Variants in HVCN1 observed in about 807,000 individuals in gnomAD.
The protein encoded by HVCN1 is voltage-gated hydrogen channel 1.
Under a neutral mutation model 29.2 loss-of-function variants are expected in HVCN1, and 14 were observed. The observed-to-expected ratio is 0.48, with a 90% confidence interval of 0.32 to 0.75. The LOEUF is 0.75. Ranked by LOEUF, HVCN1 falls within the 30% of genes least tolerant of loss-of-function variation. HVCN1 has a pLI of 0.04. For synonymous variants in HVCN1, 131 were observed against 133.2 expected (o/e 0.98, Z 0.11); for missense variants, 263 against 341.8 (o/e 0.77, Z 1.82).
intron 2 of HVCN1, among the ~76,000 whole-genome samples, chr12:110,697,841 G>T (rs1245115475): frequency 6.6e-6 from 1 of 151,944 alleles, no homozygotes; most frequent in Non-Finnish European, 1.5e-5. Context: ...TAGTAGAGAT[G>T]GGGTTTCACC....
At chr12:110,679,494 G>A (rs1277366662) in intron 3 of HVCN1, among the ~76,000 whole-genome samples, 2 of 152,188 alleles carry the variant, frequency 1.3e-5, no homozygotes, top group African/African-American at 2.4e-5. Flanking sequence ...AGTGTTTTCC[G>A]CACGCAATCT....
chr12:110,661,288 G>A lies in HVCN1; in HGVS notation c.182C>T (p.Pro61Leu). The A allele has an allele frequency of 6.2e-7, 1 of 1,614,180 alleles. No individual in the cohort carries two copies. The highest frequency in any genetic ancestry group is 1.1e-5 in the South Asian group (1 of 91,086). Residue 61 changes from proline to leucine, a missense_variant, in exon 4 of 8, where the codon CCA becomes CTA. By Grantham distance (98) the Pro-to-Leu change is moderately conservative. Transcript: ENST00000242607. The surrounding 1 kb of genome is among the most constrained non-coding windows in gnomAD (Gnocchi z 6.2). ...AGCTCTGCCTTCCTCGCCTGAGACT[G>A]GTGTGGGTGGTGGCTGCTCCTCCTC... is the stretch of plus-strand genomic sequence containing the variant. The part of the protein sequence containing the change: ...EEEEEQPPPT[P>L]VSGEEGRAAA...
intron 3 of HVCN1, among the ~76,000 whole-genome samples, chr12:110,662,760 C>G (rs1445842325): frequency 6.6e-6 from 1 of 152,066 alleles, no homozygotes. Context: ...TTGACTGCAT[C>G]AAAACTAAAA....
chr12:110,660,527 C>T (rs1463725729), intron 4 of HVCN1, among the ~76,000 whole-genome samples: 1 of 152,236 alleles, frequency 6.6e-6, no homozygotes, highest in East Asian at 1.9e-4. Flanking sequence ...AGTGTTTTTT[C>T]TGTCTCCGTT....
In HVCN1 at chr12:110,678,439, C is replaced by CTT. The variant is rs538999674; in HGVS notation, c.21+4784_21+4785dup. Among the ~76,000 whole-genome samples, 53 of 65,826 alleles carry CTT rather than the reference C, an allele frequency of 8.1e-4. 2 individuals are homozygous for CTT. Among genetic ancestry groups the CTT allele is most frequent in the South Asian group, 1.1e-3 (2 of 1,754 alleles). 43.2% of individuals were successfully genotyped at this position (65,826 alleles called of 152,430 possible). ...TCTTATTTTCCATTTCATTCTATTT[C>CTT]TTTTTTTTTTTTTTTTTTTTTTTTT... On this transcript the variant is annotated intron_variant, in intron 3 of 7. Coordinates refer to ENST00000242607, the MANE Select transcript of HVCN1 (RefSeq NM_032369.4).
intron 2 of HVCN1, among the ~76,000 whole-genome samples, chr12:110,701,872 C>G (rs2136516158): frequency 6.8e-6 from 1 of 146,964 alleles, no homozygotes; most frequent in African/African-American, 2.6e-5. Flanking sequence ...CAAAACAAAA[C>G]AACAAGAACA....
chr12:110,653,756 C>T (rs535505885), intron 5 of HVCN1, among the ~76,000 whole-genome samples: 3 of 151,798 alleles, frequency 2.0e-5, no homozygotes, highest in African/African-American at 7.2e-5. Context: ...GCAGGAGAAT[C>T]GCTTGAACTC....
intron 2 of HVCN1, 73 bp from the exon 3 acceptor site, chr12:110,683,337 C>G: frequency 6.7e-7 from 1 of 1,491,842 alleles, no homozygotes; most frequent in Non-Finnish European, 9.0e-7. Context: ...CTCTGTAATC[C>G]TTTCTTACAA....
At chr12:110,657,449 C>T (rs1159102571) in intron 4 of HVCN1, among the ~76,000 whole-genome samples, 3 of 149,900 alleles carry the variant, frequency 2.0e-5, no homozygotes, top group African/African-American at 4.9e-5. Context: ...GAGCCGAGAT[C>T]GCACCATTGC....
chr12:110,656,021 G>T (rs901691375), intron 4 of HVCN1, among the ~76,000 whole-genome samples: 1 of 152,112 alleles, frequency 6.6e-6, no homozygotes, highest in Non-Finnish European at 1.5e-5. Context: ...GTATTTTTCT[G>T]TTCCTGGGGA....
chr12:110,700,777 T>C (rs1351384308), intron 2 of HVCN1, among the ~76,000 whole-genome samples: 2 of 152,172 alleles, frequency 1.3e-5, no homozygotes, highest in South Asian at 2.1e-4. Flanking sequence ...ATATTTATAA[T>C]TGGAGTTTTC....
chr12:110,670,144 T>C (rs902706394), intron 3 of HVCN1, among the ~76,000 whole-genome samples: 1 of 152,142 alleles, frequency 6.6e-6, no homozygotes, highest in Non-Finnish European at 1.5e-5. Flanking sequence ...AAAACTACCA[T>C]CTGGGAGAGA....
intron 2 of HVCN1, among the ~76,000 whole-genome samples, chr12:110,684,038 T>G (rs755284513): frequency 6.6e-6 from 1 of 151,764 alleles, no homozygotes; most frequent in Non-Finnish European, 1.5e-5. Flanking sequence ...ACATATTGTA[T>G]GATTCCATTG....
chr12:110,691,069 T>C, upstream of HVCN1, among the ~76,000 whole-genome samples: 1 of 147,850 alleles, frequency 6.8e-6, no homozygotes, highest in East Asian at 2.1e-4. Context: ...GCAGGCTTTC[T>C]TTTTTCTTTT....
chr12:110,672,586 T>C (rs1419404161), intron 3 of HVCN1, among the ~76,000 whole-genome samples: 3 of 152,214 alleles, frequency 2.0e-5, no homozygotes, highest in African/African-American at 7.2e-5. Flanking sequence ...CATTTTTTTT[T>C]CTAATAGGTT....
chr12:110,662,736 C>T lies in HVCN1; in HGVS notation c.22-1288G>A, dbSNP rs547560887. On this transcript the variant is annotated intron_variant, in intron 3 of 7. Transcript: ENST00000242607. ...CAAACAAACAACACAAAAACAAACA[C>T]AAAATGCATAGATTTGACTGCATCA... 5.3e-5 allele frequency among the ~76,000 whole-genome samples: 8 copies of T among 152,124 alleles called. No homozygotes were observed. In the East Asian group the frequency reaches 7.8e-4, roughly 15 times the overall value.
chr12:110,695,146 C>T (rs940758809), intron 2 of HVCN1, among the ~76,000 whole-genome samples: 4 of 152,122 alleles, frequency 2.6e-5, no homozygotes, highest in African/African-American at 4.8e-5. Context: ...CGGGGGCTCA[C>T]GCCTGCAATC....
chr12:110,693,549 GA>G (rs749406382), upstream of HVCN1, among the ~76,000 whole-genome samples: 17 of 132,436 alleles, frequency 1.3e-4, no homozygotes, highest in Admixed American at 7.6e-4. Context: ...CATCTCAAAA[GA>G]AAAAAAAAAC....
chr12:110,668,783 C>T (rs80216200), intron 3 of HVCN1, among the ~76,000 whole-genome samples: 2,152 of 152,304 alleles, frequency 0.014, 18 homozygotes, highest in Non-Finnish European at 0.023. Context: ...TGCTCCTCTG[C>T]GGTCACCTTT....
Sources: gnomAD v4.1 joint callset for allele counts (sites outside exome capture counted in the v4.1 genomes callset) on GRCh38, gnomAD v4.1.1 for gene constraint, Gnocchi (gnomAD v3.1) non-coding constraint, MANE v1.5 for transcripts, NCBI Gene and HGNC (gene_info 2026-07-23, HGNC 2026-07-21) for gene names.